The following BEND5 variants were observed in gnomAD, a reference collection of about 807,000 sequenced individuals.
The protein encoded by BEND5 is BEN domain-containing protein 5.
A neutral mutation model predicts 43.9 loss-of-function variants in BEND5; 22 were observed. The observed-to-expected ratio is 0.50, with a 90% confidence interval of 0.36 to 0.72. The LOEUF (loss-of-function observed/expected upper bound fraction) is 0.72. Ranked by LOEUF, BEND5 falls within the 30% of genes least tolerant of loss-of-function variation. The probability of loss-of-function intolerance (pLI) is 0.00; values close to 1 mark genes in which losing one functional copy is unlikely to be tolerated. For synonymous variants in BEND5, 228 were observed against 225.9 expected (o/e 1.01, Z -0.08); for missense variants, 428 against 550.6 (o/e 0.78, Z 2.23).
intron 3 of BEND5, among the ~76,000 whole-genome samples, chr1:48,748,131 C>G (rs1398932991): frequency 1.3e-5 from 2 of 152,100 alleles, no homozygotes; most frequent in African/African-American, 4.8e-5. Flanking sequence ...CGAGAAGTAC[C>G]TGGGCAGGGG....
chr1:48,739,869 T>G (rs775416198), intron 4 of BEND5, among the ~76,000 whole-genome samples: 1 of 152,200 alleles, frequency 6.6e-6, no homozygotes, highest in Non-Finnish European at 1.5e-5. Context: ...CAGGAAACAC[T>G]CCTTAATTAC....
chr1:48,765,123 A>G (rs753527311), intron 1 of BEND5, among the ~76,000 whole-genome samples: 4 of 152,066 alleles, frequency 2.6e-5, no homozygotes, highest in Non-Finnish European at 5.9e-5. Context: ...TACACATCCT[A>G]CCTACCTTCT....
Position 48,761,480 on chromosome 1 carries a change from A to C in BEND5, c.227-10T>G. 1.3e-6 allele frequency: 2 copies of C among 1,549,090 alleles called. No individual in the cohort carries two copies. The highest frequency in any genetic ancestry group is 1.7e-6 in the Non-Finnish European group (2 of 1,146,484). On this transcript the variant is annotated splice_polypyrimidine_tract_variant and intron_variant, in intron 1 of 5. Transcript: ENST00000371833. ...AGGTCAGATTTGTCTTCTAAAATGC[A>C]TATCAAGAGAACAAGGTTCATCATG...
At chr1:48,755,730 A>G (rs550471111) in intron 3 of BEND5, among the ~76,000 whole-genome samples, 19 of 152,258 alleles carry the variant, frequency 1.2e-4, no homozygotes, top group African/African-American at 4.6e-4. Flanking sequence ...TCAGACGCTA[A>G]TCTCTCTCCC....
intron 5 of BEND5, among the ~76,000 whole-genome samples, chr1:48,728,957 G>C (rs549028825): frequency 6.6e-6 from 1 of 152,190 alleles, no homozygotes; most frequent in Non-Finnish European, 1.5e-5. Flanking sequence ...CTCTTACTGA[G>C]TCCACCATTT....
intron 3 of BEND5, among the ~76,000 whole-genome samples, chr1:48,753,845 C>T (rs1370312980): frequency 6.6e-6 from 1 of 152,174 alleles, no homozygotes; most frequent in Non-Finnish European, 1.5e-5. Flanking sequence ...GTTATCTATG[C>T]CTCTTCTGGT....
chr1:48,760,205 C>G (rs1309633488), intron 2 of BEND5, among the ~76,000 whole-genome samples: 1 of 152,136 alleles, frequency 6.6e-6, no homozygotes, highest in Non-Finnish European at 1.5e-5. Flanking sequence ...GGTTCCACTG[C>G]CTAAGGAAAT....
intron 3 of BEND5, among the ~76,000 whole-genome samples, chr1:48,750,682 C>T (rs1399298343): frequency 6.6e-6 from 1 of 152,210 alleles, no homozygotes; most frequent in Non-Finnish European, 1.5e-5. Flanking sequence ...GTTCCCTGCA[C>T]AAAAACATTT....
chr1:48,733,265 A>C (rs775999063), intron 5 of BEND5, among the ~76,000 whole-genome samples: 22 of 152,182 alleles, frequency 1.4e-4, no homozygotes, highest in Non-Finnish European at 2.6e-4. Flanking sequence ...CAGGAGCATA[A>C]CTGAAGGAAC....
At chr1:48,738,389 C>G (rs538848498) in intron 4 of BEND5, among the ~76,000 whole-genome samples, 4 of 152,336 alleles carry the variant, frequency 2.6e-5, no homozygotes, top group African/African-American at 9.6e-5. Flanking sequence ...AGATAAGCAG[C>G]CTTGGAGTGA....
chr1:48,731,404 A>G (rs1411218960), intron 5 of BEND5, among the ~76,000 whole-genome samples: 1 of 152,172 alleles, frequency 6.6e-6, no homozygotes, highest in East Asian at 1.9e-4. Flanking sequence ...TTTCCTTCTC[A>G]TTCACGTACA....
chr1:48,746,292 C>T lies in BEND5; in HGVS notation c.746-3521G>A, dbSNP rs538846918. Among the ~76,000 whole-genome samples, 5 of 152,218 alleles carry T rather than the reference C, an allele frequency of 3.3e-5. No homozygotes were observed. The East Asian group carries it at 7.7e-4, about 24-fold the overall frequency. On this transcript the variant is annotated intron_variant, in intron 3 of 5. Transcript: ENST00000371833. Reference sequence around the variant, plus strand: ...CACTCCCACACAAGTTACACTTGTGCGCTTAAGTTCGTCTCTACTAAAGCA... The same window carrying T: ...CACTCCCACACAAGTTACACTTGTGTGCTTAAGTTCGTCTCTACTAAAGCA...
chr1:48,733,149 T>C (rs759950955), intron 5 of BEND5, among the ~76,000 whole-genome samples: 1 of 152,110 alleles, frequency 6.6e-6, no homozygotes, highest in Non-Finnish European at 1.5e-5. Flanking sequence ...GGAGATATGA[T>C]AGCAGCTGGG....
chr1:48,765,503 A>G (rs1473167637), intron 1 of BEND5, among the ~76,000 whole-genome samples: 1 of 152,258 alleles, frequency 6.6e-6, no homozygotes, highest in Admixed American at 6.5e-5. Context: ...AGAGAACATT[A>G]TGGCAGTTCC....
At chr1:48,762,519 C>T (rs1644313112) in intron 1 of BEND5, among the ~76,000 whole-genome samples, 1 of 151,934 alleles carries the variant, frequency 6.6e-6, no homozygotes, top group South Asian at 2.1e-4. Context: ...TCAAAGGTTC[C>T]CACTGGTGTA....
intron 3 of BEND5, among the ~76,000 whole-genome samples, chr1:48,743,334 T>C (rs1200878603): frequency 6.6e-6 from 1 of 152,182 alleles, no homozygotes; most frequent in African/African-American, 2.4e-5. Flanking sequence ...TACTCTGATT[T>C]TTATTTTAAT....
intron 5 of BEND5, among the ~76,000 whole-genome samples, chr1:48,731,081 A>ATT (rs1204910464): frequency 6.6e-6 from 1 of 152,132 alleles, no homozygotes; most frequent in Non-Finnish European, 1.5e-5. Flanking sequence ...AGGCTTTTCT[A>ATT]TTTTTTTATA....
chr1:48,739,510 C>T (rs558960136), intron 4 of BEND5, among the ~76,000 whole-genome samples: 7 of 152,292 alleles, frequency 4.6e-5, no homozygotes, highest in South Asian at 2.1e-4. Flanking sequence ...GTTCATTTCC[C>T]GCTACTTCCA....
intron 3 of BEND5, among the ~76,000 whole-genome samples, chr1:48,749,941 G>A (rs1189350820): frequency 6.6e-6 from 1 of 152,212 alleles, no homozygotes; most frequent in African/African-American, 2.4e-5. Context: ...GTGGGAATAA[G>A]TGGGGTGGGC....
Sources: gnomAD v4.1 joint callset for allele counts (sites outside exome capture counted in the v4.1 genomes callset) on GRCh38, gnomAD v4.1.1 for gene constraint, MANE v1.5 for transcripts, NCBI Gene and HGNC (gene_info 2026-07-23, HGNC 2026-07-21) for gene names.